SORBS2: variants seen among roughly 807,000 people sequenced by gnomAD.
SORBS2 encodes the protein sorbin and SH3 domain containing 2.
In SORBS2, 46 loss-of-function variants were observed where a neutral mutation model predicts 97.7. The observed-to-expected ratio is 0.47, with a 90% CI of 0.37 to 0.60. The LOEUF (loss-of-function observed/expected upper bound fraction) is 0.60. SORBS2 is among the 20% of genes least tolerant of loss of function. The pLI is 0.00. For missense variants in SORBS2, 1,316 were observed against 1,282.3 expected (o/e 1.03, Z -0.40); for synonymous variants, 476 against 473.4 (o/e 1.01, Z -0.07).
At chr4:185,776,342 G>T (rs756338818) in intron 1 of SORBS2, among the ~76,000 whole-genome samples, 1 of 152,146 alleles carries the variant, frequency 6.6e-6, no homozygotes, top group African/African-American at 2.4e-5. Context: ...TCTTTCTATT[G>T]TGGATGAAGG....
chr4:185,859,117 G>T (rs2099222275), intron 1 of SORBS2, among the ~76,000 whole-genome samples: 1 of 152,162 alleles, frequency 6.6e-6, no homozygotes, highest in African/African-American at 2.4e-5. Context: ...TTGGCTTGTT[G>T]GAGGTTAAGG....
At chr4:185,688,769 T>C (rs747300765) in intron 2 of SORBS2, among the ~76,000 whole-genome samples, 1 of 116,950 alleles carries the variant, frequency 8.6e-6, no homozygotes, top group Admixed American at 8.8e-5. Context: ...ACATATATAT[T>C]TAAAAGTGGT....
chr4:185,622,148 T>G (rs2096728807), intron 7 of SORBS2, among the ~76,000 whole-genome samples: 2 of 152,242 alleles, frequency 1.3e-5, no homozygotes, highest in African/African-American at 4.8e-5. Flanking sequence ...CAATTGCTAT[T>G]TATTCTTGTG....
chr4:185,794,506 A>G (rs2099096250), intron 1 of SORBS2, among the ~76,000 whole-genome samples: 1 of 152,214 alleles, frequency 6.6e-6, no homozygotes. Flanking sequence ...TGGGACAAGA[A>G]CTGCAGATAC....
chr4:185,728,538 C>G (rs999134062), intron 2 of SORBS2, among the ~76,000 whole-genome samples: 4 of 152,176 alleles, frequency 2.6e-5, no homozygotes, highest in African/African-American at 9.7e-5. Context: ...TCTGGTGAAG[C>G]AGCAAAACCA....
intron 2 of SORBS2, among the ~76,000 whole-genome samples, chr4:185,716,929 C>T (rs73015565): frequency 0.028 from 4,299 of 152,280 alleles, 233 homozygotes; most frequent in African/African-American, 0.098. Flanking sequence ...CAAAGGGAAA[C>T]GGCAGAGTAG....
intron 1 of SORBS2, among the ~76,000 whole-genome samples, chr4:185,886,109 G>A (rs1312286808): frequency 6.6e-6 from 1 of 152,186 alleles, no homozygotes; most frequent in Non-Finnish European, 1.5e-5. Context: ...TGGGCGATTG[G>A]GGAAAACGAT....
chr4:185,718,938 GGAAA>G lies in SORBS2; in HGVS notation c.-197-40120_-197-40117del, dbSNP rs563040767. On this transcript the variant is annotated intron_variant, in intron 2 of 20. Transcript: ENST00000284776. Reference sequence around the variant, plus strand: ...TTTGCTCTATGCAGACCTGTCATGTGGAAACTCAGAGTTATAAATTAGAAACAGG... The same window carrying G: ...TTTGCTCTATGCAGACCTGTCATGTGCTCAGAGTTATAAATTAGAAACAGG... Among the ~76,000 whole-genome samples the G allele has an allele frequency of 2.0e-5, 3 of 152,304 alleles. No homozygotes were observed. The South Asian group carries it at 6.2e-4, about 32-fold the overall frequency.
At chr4:185,907,287 C>T (rs1032870824) in intron 1 of SORBS2, among the ~76,000 whole-genome samples, 1 of 152,174 alleles carries the variant, frequency 6.6e-6, no homozygotes, top group Non-Finnish European at 1.5e-5. Flanking sequence ...TGTCTGTCCA[C>T]CTTAAATGTT....
At chr4:185,781,341 T>C (rs964451980) in intron 1 of SORBS2, among the ~76,000 whole-genome samples, 2 of 152,216 alleles carry the variant, frequency 1.3e-5, no homozygotes, top group African/African-American at 4.8e-5. Context: ...TTCTATTCCA[T>C]TTGAAATTGA....
intron 4 of SORBS2, among the ~76,000 whole-genome samples, chr4:185,672,673 A>C (rs1250755998): frequency 6.6e-6 from 1 of 152,250 alleles, no homozygotes; most frequent in Non-Finnish European, 1.5e-5. Flanking sequence ...AGACATTAAT[A>C]ATAACAAAAC....
Position 185,662,244 on chromosome 4 carries a change from T to G in SORBS2, c.-45-2A>C. 6.2e-7 allele frequency: 1 copy of G among 1,603,022 alleles called. No homozygotes were observed. Among genetic ancestry groups the G allele is most frequent in the South Asian group, 1.1e-5 (1 of 88,820 alleles). On this transcript the variant is annotated splice_acceptor_variant, in intron 4 of 20. Coordinates refer to the SORBS2 transcript ENST00000284776. LOFTEE classifies it low-confidence loss of function (5UTR_SPLICE). ...GTTTCCATTCACTGTTATCTGGCTC[T>G]GAGAAAAGCGCAAAGGCATCGAGTT...
chr4:185,830,938 G>T (rs149025332), intron 1 of SORBS2, among the ~76,000 whole-genome samples: 5 of 152,156 alleles, frequency 3.3e-5, no homozygotes, highest in African/African-American at 1.2e-4. Flanking sequence ...TACTATATGG[G>T]TACTTAGGGT....
chr4:185,906,231 C>T (rs2099250749), intron 1 of SORBS2, among the ~76,000 whole-genome samples: 1 of 152,192 alleles, frequency 6.6e-6, no homozygotes, highest in Admixed American at 6.5e-5. Context: ...CAGGGTTTCT[C>T]CTTGTTGCTC....
intron 2 of SORBS2, 36 bp downstream of exon 10, chr4:185,652,626 C>T (rs754243532): frequency 6.4e-7 from 1 of 1,562,950 alleles, no homozygotes; most frequent in Non-Finnish European, 8.8e-7. Context: ...CTTCAACCCA[C>T]AAGGACCTCA....
chr4:185,646,056 C>G (rs929789777), intron 4 of SORBS2: 2 of 152,134 alleles, frequency 1.3e-5, no homozygotes, highest in East Asian at 1.9e-4. Flanking sequence ...AATCAGGAAG[C>G]TTGAGGCTTG....
intron 8 of SORBS2, 135 bp downstream of exon 20, chr4:185,619,928 G>A (rs1171848804): frequency 2.8e-6 from 2 of 708,976 alleles, no homozygotes; most frequent in Non-Finnish European, 5.2e-6. Context: ...AGGCCCCAAG[G>A]AAAATTGTTT....
At chr4:185,827,984 ATCATCATCATCACCATCATCATCATCG>A (rs2099202830) in intron 1 of SORBS2, among the ~76,000 whole-genome samples, 1 of 39,798 alleles carries the variant, frequency 2.5e-5, no homozygotes, top group South Asian at 5.1e-4. Flanking sequence ...CATCACCATC[ATCATCATCATCACCATCATCATCATCG>A]TCACCATCAT....
intron 4 of SORBS2, among the ~76,000 whole-genome samples, chr4:185,631,280 T>A (rs541398585): frequency 2.0e-5 from 3 of 152,356 alleles, no homozygotes; most frequent in African/African-American, 7.2e-5. Flanking sequence ...ATAACTTTTT[T>A]AAAGTGCGCT....
Sources: gnomAD v4.1 joint callset for allele counts (sites outside exome capture counted in the v4.1 genomes callset) on GRCh38, gnomAD v4.1.1 for gene constraint, MANE v1.5 for transcripts, NCBI Gene and HGNC (gene_info 2026-07-23, HGNC 2026-07-21) for gene names.